Variants in DLGAP2 observed in about 807,000 individuals in gnomAD.
DLGAP2 encodes disks large-associated protein 2.
DLGAP2 carries 26 observed loss-of-function variants against 100.3 expected under a neutral mutation model. The ratio of observed to expected loss-of-function variants is 0.26; its 90% CI spans 0.19 to 0.36. The LOEUF (loss-of-function observed/expected upper bound fraction) is 0.36. Among genes scored for constraint, DLGAP2 ranks in the 10% least tolerant of loss-of-function variants. DLGAP2 has a pLI of 1.00. For synonymous variants in DLGAP2, 886 were observed against 630.1 expected, an observed-to-expected ratio of 1.41 and a Z score of -6.08; for missense variants, 1,858 against 1,453.2, an observed-to-expected ratio of 1.28 and a Z score of -4.53.
Position 847,332 on chromosome 8 carries a change from T to C in DLGAP2, c.19-60580T>C, listed in dbSNP as rs114238350. Reference sequence around the variant, plus strand: ...GTTTTTACTTATGTTTCCCTTTTCATTGATACCGGCTATTAGTGTTTTATT... The same window carrying C: ...GTTTTTACTTATGTTTCCCTTTTCACTGATACCGGCTATTAGTGTTTTATT... On this transcript the variant is annotated intron_variant, in intron 1 of 14. Coordinates refer to ENST00000637795, the MANE Select transcript of DLGAP2 (RefSeq NM_001346810.2). Among the ~76,000 whole-genome samples the C allele has an allele frequency of 6.0e-3, 912 of 152,342 alleles. 11 individuals are homozygous for C. Among genetic ancestry groups the C allele is most frequent in the African/African-American group, 0.021 (864 of 41,598 alleles).
intron 2 of DLGAP2, among the ~76,000 whole-genome samples, chr8:1,227,624 A>G (rs1215773500): frequency 2.0e-5 from 3 of 152,034 alleles, no homozygotes; most frequent in East Asian, 1.9e-4. Context: ...ATCTGTGACA[A>G]TGCGGATGGA....
chr8:1,134,322 G>A (rs1796358259), intron 2 of DLGAP2, among the ~76,000 whole-genome samples: 1 of 152,178 alleles, frequency 6.6e-6, no homozygotes, highest in Admixed American at 6.5e-5. Flanking sequence ...GTGGTAGAAC[G>A]ATGTATATTC....
intron 2 of DLGAP2, among the ~76,000 whole-genome samples, chr8:996,333 C>G (rs1040162369): frequency 6.6e-6 from 1 of 152,152 alleles, no homozygotes; most frequent in African/African-American, 2.4e-5. Context: ...GAGCTCTTCT[C>G]CGAGGGCCCC....
At chr8:1,419,313 ACT>A (rs891380390) in intron 3 of DLGAP2, among the ~76,000 whole-genome samples, 2 of 91,358 alleles carry the variant, frequency 2.2e-5, no homozygotes, top group Non-Finnish European at 4.1e-5. Flanking sequence ...ACTATGTTAC[ACT>A]CTGATACGTG....
chr8:1,164,577 T>C (rs994720874), intron 2 of DLGAP2, among the ~76,000 whole-genome samples: 1 of 152,046 alleles, frequency 6.6e-6, no homozygotes, highest in Admixed American at 6.5e-5. Context: ...TTGTGGGTCA[T>C]ATTCTAAGCC....
Position 793,213 on chromosome 8 carries a change from C to G in DLGAP2, c.18+55388C>G, listed in dbSNP as rs1026513268. On this transcript the variant is annotated intron_variant, in intron 1 of 14. Coordinates refer to ENST00000637795, the MANE Select transcript of DLGAP2 (RefSeq NM_001346810.2). The stretch of plus-strand genomic sequence containing the variant: ...TGTGGGTGGGAAAGCTCTTAGAATC[C>G]TTGAATGTCTAAAAATATGTTTATT... Among the ~76,000 whole-genome samples, 5 of 152,148 alleles carry G rather than the reference C, an allele frequency of 3.3e-5. No individual in the cohort carries two copies. The East Asian group carries it at 9.6e-4, about 29-fold the overall frequency.
intron 2 of DLGAP2, among the ~76,000 whole-genome samples, chr8:1,045,633 C>T (rs1044172796): frequency 2.0e-5 from 3 of 152,192 alleles, no homozygotes; most frequent in African/African-American, 7.2e-5. Context: ...TTGACCTCCC[C>T]AACCGCGCCC....
intron 2 of DLGAP2, chr8:1,019,695 A>T (rs1801574147): frequency 6.6e-6 from 1 of 152,202 alleles, no homozygotes; most frequent in East Asian, 1.9e-4. Flanking sequence ...ATATAAAGAT[A>T]TGTCTAGAAT....
chr8:1,119,359 C>T (rs1795982340), intron 2 of DLGAP2, among the ~76,000 whole-genome samples: 1 of 152,228 alleles, frequency 6.6e-6, no homozygotes, highest in African/African-American at 2.4e-5. Context: ...AGTTGCCTCC[C>T]CATGCTCTTA....
At chr8:1,330,057 T>C (rs1250136457) in intron 3 of DLGAP2, among the ~76,000 whole-genome samples, 1 of 152,166 alleles carries the variant, frequency 6.6e-6, no homozygotes, top group East Asian at 1.9e-4. Flanking sequence ...CCATTTCCCA[T>C]GTTTGTGGTG....
At chr8:1,063,784 A>G (rs1803161381) in intron 2 of DLGAP2, among the ~76,000 whole-genome samples, 1 of 152,108 alleles carries the variant, frequency 6.6e-6, no homozygotes, top group African/African-American at 2.4e-5. Flanking sequence ...GGTATCGACT[A>G]TTTCATTCAT....
At chr8:743,128 G>A (rs890443503) in intron 1 of DLGAP2, among the ~76,000 whole-genome samples, 1 of 151,824 alleles carries the variant, frequency 6.6e-6, no homozygotes, top group Admixed American at 6.6e-5. Context: ...AAAAAGTTTT[G>A]GACCCAACTT....
chr8:965,617 C>CT (rs1445296220), intron 2 of DLGAP2, among the ~76,000 whole-genome samples: 8 of 139,492 alleles, frequency 5.7e-5, no homozygotes, highest in Non-Finnish European at 9.2e-5. Context: ...AGTCTGGCCC[C>CT]GCACTGCACA....
At chr8:1,165,345 C>T (rs1277090714) in intron 2 of DLGAP2, among the ~76,000 whole-genome samples, 2 of 152,218 alleles carry the variant, frequency 1.3e-5, no homozygotes, top group East Asian at 3.9e-4. Flanking sequence ...CCCTCAGGGC[C>T]CCAGGACCAT....
intron 3 of DLGAP2, among the ~76,000 whole-genome samples, chr8:1,324,283 T>C (rs768078417): frequency 6.6e-6 from 1 of 152,266 alleles, no homozygotes; most frequent in Non-Finnish European, 1.5e-5. Context: ...AGAGTTTTCA[T>C]TGAGCTCCAG....
At chr8:1,041,321 T>TCTCA (rs1563160222) in intron 2 of DLGAP2, among the ~76,000 whole-genome samples, 1 of 152,120 alleles carries the variant, frequency 6.6e-6, no homozygotes. Context: ...TCGCAGCTAC[T>TCTCA]CTCAGCCTTT....
At chr8:844,571 T>A (rs1023182897) in intron 1 of DLGAP2, among the ~76,000 whole-genome samples, 1 of 152,072 alleles carries the variant, frequency 6.6e-6, no homozygotes, top group Non-Finnish European at 1.5e-5. Context: ...TAGACTACGG[T>A]CTCTCTTGAC....
At chr8:1,228,838 G>T (rs910321087) in intron 2 of DLGAP2, among the ~76,000 whole-genome samples, 2 of 152,122 alleles carry the variant, frequency 1.3e-5, no homozygotes, top group African/African-American at 4.8e-5. Flanking sequence ...AATGGTTAAG[G>T]ACTGAAAATT....
intron 2 of DLGAP2, among the ~76,000 whole-genome samples, chr8:1,213,645 C>G (rs1250027553): frequency 1.3e-5 from 2 of 152,188 alleles, no homozygotes; most frequent in African/African-American, 4.8e-5. Flanking sequence ...AGCTTCCCGT[C>G]TTTCTCTGGG....
Sources: allele counts gnomAD v4.1 joint callset (sites outside exome capture counted in the v4.1 genomes callset), GRCh38; gene constraint gnomAD v4.1.1; transcripts MANE v1.5; gene names NCBI Gene and HGNC (gene_info 2026-07-23, HGNC 2026-07-21).